The following GABRA3 variants were observed in gnomAD, a reference collection of about 807,000 sequenced individuals.
The protein encoded by GABRA3 is gamma-aminobutyric acid receptor subunit alpha-3.
In GABRA3, 10 loss-of-function variants were observed where a neutral mutation model predicts 30.1. The observed-to-expected ratio is 0.33, with a 90% CI of 0.20 to 0.56. GABRA3 has a LOEUF of 0.56. Among genes scored for constraint, GABRA3 ranks in the 20% least tolerant of loss-of-function variants. GABRA3 has a pLI of 0.89. For synonymous variants in GABRA3, 151 were observed against 146.8 expected, an observed-to-expected ratio of 1.03 and a Z score of -0.21; for missense variants, 233 against 392.0, an observed-to-expected ratio of 0.59 and a Z score of 3.42.
chrX:152,329,777 A>G (rs1008956584), intron 3 of GABRA3, among the ~76,000 whole-genome samples: 2 of 112,010 alleles, frequency 1.8e-5, no homozygotes, highest in Non-Finnish European at 3.8e-5. Context: ...CATTCAGGAC[A>G]CAGGCATGGG....
At chrX:152,292,250 T>C (rs995703186) in intron 3 of GABRA3, among the ~76,000 whole-genome samples, 2 of 111,366 alleles carry the variant, frequency 1.8e-5, no homozygotes, top group African/African-American at 6.5e-5. Context: ...CTTGGGAGGG[T>C]GTATGTGTCG....
At chrX:152,350,219 C>T (rs1449730191) in intron 2 of GABRA3, among the ~76,000 whole-genome samples, 1 of 103,169 alleles carries the variant, frequency 9.7e-6, no homozygotes, top group Admixed American at 1.0e-4. Flanking sequence ...GGGTACATAA[C>T]AAAATGAAGG....
At chrX:152,331,291 C>T (rs1361260395) in intron 3 of GABRA3, among the ~76,000 whole-genome samples, 1 of 109,584 alleles carries the variant, frequency 9.1e-6, no homozygotes, top group South Asian at 3.9e-4. Context: ...CACTAACTCA[C>T]GAATTAGAGG....
chrX:152,272,398 G>T (rs1241346262), intron 4 of GABRA3, among the ~76,000 whole-genome samples: 1 of 112,050 alleles, frequency 8.9e-6, no homozygotes, highest in Non-Finnish European at 1.9e-5. Flanking sequence ...GGGGCCTGTT[G>T]CCAATTTGGC....
intron 5 of GABRA3, among the ~76,000 whole-genome samples, chrX:152,230,806 T>C (rs974158450): frequency 9.0e-6 from 1 of 110,573 alleles, no homozygotes; most frequent in Non-Finnish European, 1.9e-5. Context: ...AAAAATCAAC[T>C]AACAATGGAT....
At chrX:152,175,504 G>T (rs779912573) in intron 9 of GABRA3, among the ~76,000 whole-genome samples, 1 of 111,690 alleles carries the variant, frequency 9.0e-6, no homozygotes, top group Admixed American at 9.5e-5. Flanking sequence ...CATCCCAGTT[G>T]GGGGGACATG....
chrX:152,274,923 C>T (rs1024775910), intron 4 of GABRA3, among the ~76,000 whole-genome samples: 61 of 104,367 alleles, frequency 5.8e-4, no homozygotes, highest in African/African-American at 1.8e-3. Flanking sequence ...ATTGAGAAAA[C>T]GAGACAGGGA....
chrX:152,211,858 G>A (rs1274048974), intron 6 of GABRA3, among the ~76,000 whole-genome samples: 11 of 111,613 alleles, frequency 9.9e-5, no homozygotes, highest in Non-Finnish European at 1.7e-4. Flanking sequence ...CCTTTAGTAG[G>A]TGAAAGAAGG....
At position 152,254,664 on chromosome X, in the gene GABRA3, G is replaced by A. The variant is rs1938609298; in HGVS notation, c.551+1114C>T. On this transcript the variant is annotated intron_variant, in intron 5 of 9. Transcript: ENST00000370314. ...CTCCTCATCTTCCAAATTCTTGTAG[G>A]AAAAACACCAATAAATAGCAAATTT... Among the ~76,000 whole-genome samples, 6 of 111,273 alleles carry A rather than the reference G, an allele frequency of 5.4e-5. No individual in the cohort carries two copies. The South Asian group carries it at 2.2e-3, about 41-fold the overall frequency.
At chrX:152,320,357 G>A (rs890608304) in intron 3 of GABRA3, among the ~76,000 whole-genome samples, 4 of 111,822 alleles carry the variant, frequency 3.6e-5, no homozygotes, top group African/African-American at 1.3e-4. Context: ...TAAAGAAATT[G>A]TCGTATATAC....
chrX:152,420,036 CA>C (rs1435238336), intron 1 of GABRA3, among the ~76,000 whole-genome samples: 1 of 111,329 alleles, frequency 9.0e-6, no homozygotes, highest in Non-Finnish European at 1.9e-5. Flanking sequence ...ATGATCAACT[CA>C]ATAGATGTAG....
At chrX:152,430,807 A>G (rs1267560346) in intron 1 of GABRA3, among the ~76,000 whole-genome samples, 1 of 111,709 alleles carries the variant, frequency 9.0e-6, no homozygotes, top group East Asian at 2.8e-4. Context: ...CAGCATTTAG[A>G]CAATGAGATG....
At chrX:152,414,972 C>T (rs1017565405) in intron 1 of GABRA3, among the ~76,000 whole-genome samples, 3 of 108,997 alleles carry the variant, frequency 2.8e-5, no homozygotes, top group East Asian at 2.9e-4. Context: ...GAAAATACTA[C>T]ATAAAGACTA....
chrX:152,349,758 A>G (rs1940448271), intron 2 of GABRA3, among the ~76,000 whole-genome samples: 1 of 85,328 alleles, frequency 1.2e-5, no homozygotes, highest in African/African-American at 4.5e-5. Context: ...AGAGCTAACT[A>G]TCCTAAATAT....
intron 5 of GABRA3, among the ~76,000 whole-genome samples, chrX:152,226,174 G>A (rs189389206): frequency 1.8e-3 from 204 of 111,762 alleles, no homozygotes; most frequent in Non-Finnish European, 3.4e-3. Context: ...AACAGTGTTA[G>A]GAAGCAAGAT....
At chrX:152,200,889 T>C (rs938152840) in intron 7 of GABRA3, among the ~76,000 whole-genome samples, 1 of 112,300 alleles carries the variant, frequency 8.9e-6, no homozygotes, top group African/African-American at 3.2e-5. Flanking sequence ...TTTTCTATAC[T>C]TCTTTCTTTC....
At chrX:152,226,289 A>C (rs372792949) in intron 5 of GABRA3, among the ~76,000 whole-genome samples, 3 of 111,878 alleles carry the variant, frequency 2.7e-5, no homozygotes, top group Non-Finnish European at 5.6e-5. Context: ...ACAGACATCC[A>C]TGTGTCTATG....
At chrX:152,438,865 G>C (rs980754112) in intron 1 of GABRA3, among the ~76,000 whole-genome samples, 1 of 111,070 alleles carries the variant, frequency 9.0e-6, no homozygotes, top group Non-Finnish European at 1.9e-5. Context: ...TTTTAGGGCA[G>C]AGAAACTATT....
chrX:152,263,683 G>A (rs191057381), intron 4 of GABRA3, among the ~76,000 whole-genome samples: 2 of 111,473 alleles, frequency 1.8e-5, no homozygotes. Context: ...CAATAAAAGA[G>A]AATATTCCAA....
Sources: gnomAD v4.1 joint callset for allele counts (sites outside exome capture counted in the v4.1 genomes callset) on GRCh38, gnomAD v4.1.1 for gene constraint, MANE v1.5 for transcripts, NCBI Gene and HGNC (gene_info 2026-07-23, HGNC 2026-07-21) for gene names.